The following UNC79 variants were observed in gnomAD, a reference collection of about 807,000 sequenced individuals.
UNC79 encodes protein unc-79 homolog.
UNC79 carries 37 observed loss-of-function variants against 283.1 expected under a neutral mutation model. The observed-to-expected ratio is 0.13, with a 90% CI of 0.10 to 0.17. UNC79 has a LOEUF of 0.17. Among genes scored for constraint, UNC79 ranks in the 10% least tolerant of loss-of-function variants. UNC79 has a pLI of 1.00. For synonymous variants in UNC79, 1,107 were observed against 1,200.2 expected, an observed-to-expected ratio of 0.92 and a Z score of 1.61; for missense variants, 2,272 against 3,211.1, an observed-to-expected ratio of 0.71 and a Z score of 7.07.
chr14:93,382,684 G>A (rs1241685054), intron 1 of UNC79, among the ~76,000 whole-genome samples: 1 of 152,170 alleles, frequency 6.6e-6, no homozygotes, highest in African/African-American at 2.4e-5. Context: ...TTGAGGCTCT[G>A]AGAGGTTAAA....
At chr14:93,421,776 T>TAAAAAAAA (rs35643188) in intron 1 of UNC79, among the ~76,000 whole-genome samples, 2 of 144,570 alleles carry the variant, frequency 1.4e-5, no homozygotes, top group Non-Finnish European at 1.5e-5. Context: ...GGAGATAGCT[T>TAAAAAAAA]AAAAAAAAAA....
At chr14:93,671,554 C>T (rs1182501740) in intron 40 of UNC79, among the ~76,000 whole-genome samples, 1 of 152,152 alleles carries the variant, frequency 6.6e-6, no homozygotes, top group East Asian at 1.9e-4. Context: ...AGGTGGATCA[C>T]CTGAGATTGG....
chr14:93,409,777 A>G (rs1002549854), intron 1 of UNC79, among the ~76,000 whole-genome samples: 4 of 152,232 alleles, frequency 2.6e-5, no homozygotes, highest in African/African-American at 7.2e-5. Flanking sequence ...AAAAACAGTC[A>G]AGATATAAAT....
chr14:93,603,439 C>G, intron 26 of UNC79, 21 bp downstream of exon 26: 1 of 1,611,530 alleles, frequency 6.2e-7, no homozygotes, highest in Non-Finnish European at 8.5e-7. Flanking sequence ...TTCTTTCATC[C>G]TTCCGTTAAA....
At chr14:93,515,128 C>T (rs1301638766) in intron 7 of UNC79, among the ~76,000 whole-genome samples, 2 of 151,964 alleles carry the variant, frequency 1.3e-5, no homozygotes, top group Non-Finnish European at 2.9e-5. Context: ...ATTCTTGATC[C>T]TCCTAATTAT....
intron 31 of UNC79, 163 bp from the exon 35 acceptor site, chr14:93,637,053 A>G: frequency 6.0e-6 from 4 of 663,474 alleles, no homozygotes; most frequent in Non-Finnish European, 1.1e-5. Flanking sequence ...TAAAGCCCCA[A>G]ATAACCCTAC....
At chr14:93,565,922 C>T (rs954795502) in intron 14 of UNC79, among the ~76,000 whole-genome samples, 13 of 152,084 alleles carry the variant, frequency 8.5e-5, no homozygotes, top group Admixed American at 5.9e-4. Flanking sequence ...GGTATCTATT[C>T]GGTTGGAGCT....
At chr14:93,595,725 G>A (rs1017174499) in intron 23 of UNC79, among the ~76,000 whole-genome samples, 2 of 152,052 alleles carry the variant, frequency 1.3e-5, no homozygotes, top group Non-Finnish European at 2.9e-5. Context: ...ATGTATCCCC[G>A]GATCTCCCAT....
chr14:93,651,113 T>C (rs1341912426), intron 35 of UNC79, among the ~76,000 whole-genome samples: 3 of 152,182 alleles, frequency 2.0e-5, no homozygotes, highest in Admixed American at 2.0e-4. Flanking sequence ...ATTTCTGGGC[T>C]CTCTATTCTG....
At chr14:93,356,864 C>T (rs1401681233) in intron 1 of UNC79, among the ~76,000 whole-genome samples, 3 of 152,062 alleles carry the variant, frequency 2.0e-5, no homozygotes, top group Non-Finnish European at 4.4e-5. Flanking sequence ...TTTTCCCTAG[C>T]TTTTATTTTA....
At chr14:93,377,215 G>A (rs111452615) in intron 1 of UNC79, among the ~76,000 whole-genome samples, 12,717 of 149,496 alleles carry the variant, frequency 0.085, 578 homozygotes, top group Middle Eastern at 0.14. Context: ...TCAGCCTCCC[G>A]AGTAGCTGGG....
At chr14:93,674,962 A>G (rs1008372244) in intron 41 of UNC79, among the ~76,000 whole-genome samples, 3 of 152,208 alleles carry the variant, frequency 2.0e-5, no homozygotes, top group Non-Finnish European at 4.4e-5. Context: ...TTACTGTAAC[A>G]GCTCTTAGCT....
chr14:93,339,227 T>A (rs899328956), intron 1 of UNC79, among the ~76,000 whole-genome samples: 11 of 152,314 alleles, frequency 7.2e-5, no homozygotes, highest in African/African-American at 2.6e-4. Context: ...TGTAACCCTT[T>A]ACTATCAGCC....
intron 7 of UNC79, among the ~76,000 whole-genome samples, chr14:93,497,643 A>G (rs2059074585): frequency 6.6e-6 from 1 of 152,194 alleles, no homozygotes; most frequent in South Asian, 2.1e-4. Flanking sequence ...CTGCTCTGAT[A>G]AGAAGACTTG....
Position 93,497,342 on chromosome 14 carries a change from G to A in UNC79, c.898+56G>A, listed in dbSNP as rs1029620405. The A allele has an allele frequency of 3.2e-6, 5 of 1,566,838 alleles. No homozygotes were observed. The African/African-American group carries it at 6.8e-5, about 21-fold the overall frequency. ...TCTGTATTTCTCCTGTGCCACACTG[G>A]CCTCACCTACTTATACATACATTTT... is the stretch of plus-strand genomic sequence containing the variant. On this transcript the variant is annotated intron_variant, in intron 7 of 48. Coordinates refer to ENST00000555664, the Ensembl canonical transcript of UNC79.
intron 26 of UNC79, among the ~76,000 whole-genome samples, chr14:93,608,900 C>T (rs1387306644): frequency 1.3e-5 from 2 of 152,080 alleles, no homozygotes; most frequent in African/African-American, 2.4e-5. Context: ...GACATTGGCC[C>T]CTATTCTGTG....
chr14:93,660,563 A>ATATATG (rs1203621990), intron 39 of UNC79, among the ~76,000 whole-genome samples: 125 of 64,722 alleles, frequency 1.9e-3, no homozygotes, highest in Non-Finnish European at 2.6e-3. Context: ...ATATATATAT[A>ATATATG]TGTGTGTGTG....
intron 1 of UNC79, among the ~76,000 whole-genome samples, chr14:93,341,063 C>T (rs2053697979): frequency 6.6e-6 from 1 of 152,112 alleles, no homozygotes; most frequent in Non-Finnish European, 1.5e-5. Flanking sequence ...ATCTTTTGGA[C>T]CCCAACTGCC....
rs7146685 is a variant in UNC79 at position 93,671,416 on chromosome 14, A to C, written c.6637-1935A>C. Among the ~76,000 whole-genome samples the C allele has an allele frequency of 2.6e-5, 4 of 152,278 alleles. No individual in the cohort carries two copies. The South Asian group carries it at 8.3e-4, about 32-fold the overall frequency. On this transcript the variant is annotated intron_variant, in intron 40 of 48. Transcript: ENST00000555664. ...GATATTTATTATTTAAAAAGGATGA[A>C]TCAACTTTCAACCAGGGATTAATAT...
Sources: gnomAD v4.1 joint callset for allele counts (sites outside exome capture counted in the v4.1 genomes callset) on GRCh38, gnomAD v4.1.1 for gene constraint, MANE v1.5 for transcripts, NCBI Gene and HGNC (gene_info 2026-07-23, HGNC 2026-07-21) for gene names.